The following HCN4 variants were observed in gnomAD, a reference collection of about 807,000 sequenced individuals.
HCN4 encodes hyperpolarization activated cyclic nucleotide gated potassium channel 4.
Under a neutral mutation model 76.9 loss-of-function variants are expected in HCN4, and 29 were observed. That is an observed-to-expected ratio of 0.38 (90% CI 0.28 to 0.51). HCN4 has a LOEUF of 0.51. Ranked by LOEUF, HCN4 falls within the 20% of genes least tolerant of loss-of-function variation. HCN4 has a pLI of 0.90. For missense variants in HCN4, 1,416 were observed against 1,715.2 expected, an observed-to-expected ratio of 0.83 and a Z score of 3.08; for synonymous variants, 772 against 762.5, an observed-to-expected ratio of 1.01 and a Z score of -0.21.
chr15:73,355,942 A>G (rs540942746), intron 1 of HCN4, among the ~76,000 whole-genome samples: 45 of 152,288 alleles, frequency 3.0e-4, no homozygotes, highest in African/African-American at 9.1e-4. Context: ...CTCTCAGTCA[A>G]GCTTACAAGA....
At chr15:73,362,091 G>A (rs1252274181) in intron 1 of HCN4, among the ~76,000 whole-genome samples, 1 of 152,334 alleles carries the variant, frequency 6.6e-6, no homozygotes, top group East Asian at 1.9e-4. Flanking sequence ...GCTTCTTCCT[G>A]TTCACACCCA....
At chr15:73,339,715 A>T (rs1448879569) in intron 2 of HCN4, among the ~76,000 whole-genome samples, 1 of 151,972 alleles carries the variant, frequency 6.6e-6, no homozygotes, top group Non-Finnish European at 1.5e-5. Flanking sequence ...TGTACTAAAT[A>T]CTCTCCTCAG....
chr15:73,324,265 T>A lies in HCN4; in HGVS notation c.1979-12A>T. The A allele has an allele frequency of 6.2e-7, 1 of 1,613,414 alleles. No individual in the cohort carries two copies. Among genetic ancestry groups the A allele is most frequent in the Non-Finnish European group, 8.5e-7 (1 of 1,179,730 alleles). On this transcript the variant is annotated splice_polypyrimidine_tract_variant and intron_variant, in intron 6 of 7. Coordinates refer to ENST00000261917, the MANE Select transcript of HCN4 (RefSeq NM_005477.3). ...CAGCAGGCAGATCTCTGCCAGAGCA[T>A]CAGGACTCAGGATGAGGCATGCACA...
At chr15:73,348,412 A>G (rs1295106244) in intron 1 of HCN4, among the ~76,000 whole-genome samples, 1 of 152,366 alleles carries the variant, frequency 6.6e-6, no homozygotes. Flanking sequence ...ACACACGCAC[A>G]CACACATGCA....
chr15:73,320,800 C>A lies in HCN4; in HGVS notation c.*1681G>T. ...TCCCCACCATACACTCCATCCCACC[C>A]ACCATTCCCTCCCTCTCTCCCTGTT... On this transcript the variant is annotated 3_prime_UTR_variant, in exon 8 of 8. Coordinates refer to ENST00000261917, the MANE Select transcript of HCN4 (RefSeq NM_005477.3). 6.6e-6 allele frequency: 1 copy of A among 152,456 alleles called. No homozygotes were observed. The allele number at this position is 152,456 out of a possible 1,614,324, so 9.4% of individuals were successfully genotyped here.
At position 73,347,010 on chromosome 15, in the gene HCN4, C is replaced by T. The variant is rs559058628; in HGVS notation, c.786-3202G>A. On this transcript the variant is annotated intron_variant, in intron 1 of 7. Coordinates refer to ENST00000261917, the MANE Select transcript of HCN4 (RefSeq NM_005477.3). ...ACTGGCATCCTCAGCTTGCTGGCCC[C>T]TCTTCATTTCCAATCCTGCTGGTCG... Among the ~76,000 whole-genome samples, 71 of 152,296 alleles carry T rather than the reference C, an allele frequency of 4.7e-4. 1 individual carries two copies. The South Asian group carries it at 0.014, about 31-fold the overall frequency.
At chr15:73,355,448 G>T (rs955345847) in intron 1 of HCN4, among the ~76,000 whole-genome samples, 1 of 152,068 alleles carries the variant, frequency 6.6e-6, no homozygotes, top group Non-Finnish European at 1.5e-5. Context: ...GCTCACTCAC[G>T]GAAGAACGCG....
At chr15:73,330,331 G>A (rs940193034) in intron 3 of HCN4, among the ~76,000 whole-genome samples, 3 of 152,214 alleles carry the variant, frequency 2.0e-5, no homozygotes, top group Non-Finnish European at 2.9e-5. Context: ...AACCCTGCCC[G>A]CCTCTGCTAG....
chr15:73,361,955 T>C (rs532414595), intron 1 of HCN4, among the ~76,000 whole-genome samples: 7 of 152,342 alleles, frequency 4.6e-5, no homozygotes, highest in Non-Finnish European at 8.8e-5. Context: ...CTCATTGCAA[T>C]GCAGCAGTCA....
chr15:73,356,411 C>A (rs1318022634), intron 1 of HCN4, among the ~76,000 whole-genome samples: 1 of 136,940 alleles, frequency 7.3e-6, no homozygotes, highest in Non-Finnish European at 1.5e-5. Flanking sequence ...TAGGGTCTCT[C>A]CATGTTGCCC....
chr15:73,323,154 C>G lies in HCN4; in HGVS notation c.2939G>C (p.Gly980Ala), dbSNP rs367719274. ...AGTGGCCAGACCTAGGGACAACTCCCCGGGAGGCTGGCCCAGCTGCCCGGG... is the reference window on the plus strand; with the variant it reads ...AGTGGCCAGACCTAGGGACAACTCCGCGGGAGGCTGGCCCAGCTGCCCGGG... ...SSPGQLGQPP[G>A]ELSLGLATGP... Residue 980 changes from glycine to alanine, a missense_variant, in exon 8 of 8, where the codon GGG becomes GCG. Transcript: ENST00000261917. 5 of 1,576,116 alleles carry G rather than the reference C, an allele frequency of 3.2e-6. No homozygotes were observed. The highest frequency in any genetic ancestry group is 4.3e-6 in the Non-Finnish European group (5 of 1,162,376).
chr15:73,338,538 A>G (rs147660534), intron 2 of HCN4, among the ~76,000 whole-genome samples: 5 of 152,306 alleles, frequency 3.3e-5, no homozygotes, highest in Admixed American at 6.5e-5. Flanking sequence ...GTGAGATCAT[A>G]TCCACCACTA....
intron 1 of HCN4, among the ~76,000 whole-genome samples, chr15:73,350,789 C>T (rs2043052325): frequency 6.6e-6 from 1 of 152,162 alleles, no homozygotes; most frequent in South Asian, 2.1e-4. Flanking sequence ...TCTCTTCCAT[C>T]TGTCTCTCTC....
rs570068696 is a variant in HCN4 at position 73,323,192 on chromosome 15, G to A, written c.2901C>T (p.Ser967=). ...CCAGCTGCCCGGGGCTAGATGACGG[G>A]GATCTGGATGAGGGTGGGGGTGGCA... is the stretch of plus-strand genomic sequence containing the variant. ...HFLPPPPSSR[S]PSSSPGQLGQ... The change falls in exon 8 of 8, where the codon TCC becomes TCT. Residue 967 remains serine (S), a synonymous_variant. Coordinates refer to ENST00000261917, the MANE Select transcript of HCN4 (RefSeq NM_005477.3). The A allele has an allele frequency of 4.0e-5, 62 of 1,544,296 alleles. No homozygotes were observed. In the African/African-American group the frequency reaches 6.3e-4, roughly 16 times the overall value.
Position 73,323,887 on chromosome 15 carries a change from A to G in HCN4, c.2206T>C (p.Tyr736His), listed in dbSNP as rs917722202. 1.2e-6 allele frequency: 2 copies of G among 1,604,006 alleles called. No homozygotes were observed. Among genetic ancestry groups the G allele is most frequent in the African/African-American group, 2.7e-5 (2 of 75,046 alleles). ...QHDLNSGVFN[Y>H]QENEIIQQIV... The stretch of plus-strand genomic sequence containing the variant: ...TGCTGGATGATCTCATTCTCCTGGT[A>G]GTTGAAGACGCCGGAGTTGAGGTCG... Residue 736 changes from tyrosine (Y) to histidine (H), a missense_variant, in exon 8 of 8, where the codon TAC becomes CAC. By Grantham distance (83) the Tyr-to-His change is moderately conservative. Around this residue, in one of 6 missense-constraint regions of HCN4, gnomAD observed 241 missense variants for 379.4 expected, o/e 0.64. Coordinates refer to ENST00000261917, the MANE Select transcript of HCN4 (RefSeq NM_005477.3).
intron 3 of HCN4, among the ~76,000 whole-genome samples, chr15:73,331,468 TTTTTTA>T (rs1239866235): frequency 4.6e-5 from 7 of 152,270 alleles, no homozygotes; most frequent in African/African-American, 1.7e-4. Flanking sequence ...CAGCTTTTTG[TTTTTTA>T]TTTTTATTTA....
In HCN4 at chr15:73,322,202, T is replaced by A; in HGVS notation, c.*279A>T. ...CCTGCCCAGCCCCGGAGACCCCATCTGCCTTTCTCTGGCTTTTGCATTTGG... is the reference window on the plus strand; with the variant it reads ...CCTGCCCAGCCCCGGAGACCCCATCAGCCTTTCTCTGGCTTTTGCATTTGG... On this transcript the variant is annotated 3_prime_UTR_variant, in exon 8 of 8. Transcript: ENST00000261917. 8.3e-6 allele frequency: 3 copies of A among 360,426 alleles called. No individual in the cohort carries two copies. The highest frequency in any genetic ancestry group is 2.2e-5 in the African/African-American group (1 of 46,422). The allele number at this position is 360,426 out of a possible 1,614,324, so 22.3% of individuals were successfully genotyped here.
At chr15:73,350,642 T>G (rs1289572845) in intron 1 of HCN4, among the ~76,000 whole-genome samples, 1 of 152,150 alleles carries the variant, frequency 6.6e-6, no homozygotes, top group Non-Finnish European at 1.5e-5. Flanking sequence ...CCTTCCTCTT[T>G]CTGCCACCTT....
At chr15:73,324,401 G>A in intron 6 of HCN4, 148 bp from the exon 7 acceptor site, 1 of 817,244 alleles carries the variant, frequency 1.2e-6, no homozygotes, top group Non-Finnish European at 2.0e-6. Flanking sequence ...CACACTGGAT[G>A]CCTCTTCCCC....
Sources: allele counts gnomAD v4.1 joint callset (sites outside exome capture counted in the v4.1 genomes callset), GRCh38; gene constraint gnomAD v4.1.1; regional missense constraint gnomAD v4.1.1; transcripts MANE v1.5; gene names NCBI Gene and HGNC (gene_info 2026-07-23, HGNC 2026-07-21).